Variants in CALHM2 observed in about 807,000 individuals in gnomAD.
CALHM2 encodes calcium homeostasis modulator family member 2, also known as calcium homeostasis modulator protein 2.
CALHM2 carries 18 observed loss-of-function variants against 20.4 expected under a neutral mutation model. The observed-to-expected ratio is 0.88, with a 90% CI of 0.61 to 1.31. The LOEUF is 1.31. Among genes scored for constraint, CALHM2 ranks in the 50% most tolerant of loss-of-function variants. CALHM2 has a pLI of 0.00. For synonymous variants in CALHM2, 193 were observed against 192.1 expected (o/e 1.00, Z -0.04); for missense variants, 411 against 435.7 (o/e 0.94, Z 0.50).
chr10:103,451,675 G>GAGGAGGAGGAGGAGTAGT (rs56662667), intron 1 of CALHM2: 2 of 145,500 alleles, frequency 1.4e-5, no homozygotes, highest in East Asian at 2.1e-4. Context: ...GGAGGAGGAG[G>GAGGAGGAGGAGGAGTAGT]AGTCTGATTC....
At chr10:103,447,977 T>A (rs773002144) in intron 3 of CALHM2, among the ~76,000 whole-genome samples, 12 of 152,130 alleles carry the variant, frequency 7.9e-5, no homozygotes, top group Non-Finnish European at 1.6e-4. Flanking sequence ...TCTGAAATGC[T>A]TGGAGGGCAA....
At position 103,449,503 on chromosome 10, in the gene CALHM2, G is replaced by T. The variant is rs750593362; in HGVS notation, c.439C>A (p.His147Asn). Reference protein sequence around the residue: ...DPSSLTAREEHFPSAHATEIL... With the variant: ...DPSSLTAREENFPSAHATEIL... ...TCAGTGGCGTGGGCTGATGGGAAGT[G>T]CTCTTCCCTGGCCGTGAGTGAGGAA... The change falls in exon 3 of 4, where the codon CAC becomes AAC. Residue 147 changes from histidine (H) to asparagine (N), a missense_variant. Coordinates refer to ENST00000260743, the MANE Select transcript of CALHM2 (RefSeq NM_015916.5). 7 of 1,613,530 alleles carry T rather than the reference G, an allele frequency of 4.3e-6. No homozygotes were observed. In the South Asian group the frequency reaches 7.7e-5, roughly 18 times the overall value.
chr10:103,450,490 T>A (rs758844981), intron 2 of CALHM2: 2 of 159,592 alleles, frequency 1.3e-5, no homozygotes, highest in Non-Finnish European at 2.8e-5. Flanking sequence ...GCTGACCGGC[T>A]TTCCCTCTGG....
Position 103,449,492 on chromosome 10 carries a change from TG to T in CALHM2, c.449del (p.Ser150Ter). ...TGGCCAGGATTTCAGTGGCGTGGGC[TG>T]ATGGGAAGTGCTCTTCCCTGGCCGT... ...SLTAREEHFP[S>X]AHATEILARF... On this transcript the variant is annotated frameshift_variant, in exon 3 of 4. Transcript: ENST00000260743. LOFTEE classifies it high-confidence loss of function. The T allele has an allele frequency of 6.2e-7, 1 of 1,613,450 alleles. No individual in the cohort carries two copies. The highest frequency in any genetic ancestry group is 8.5e-7 in the Non-Finnish European group (1 of 1,179,990).
intron 3 of CALHM2, 118 bp from the exon 4 acceptor site, chr10:103,447,686 G>T: frequency 1.2e-6 from 1 of 851,358 alleles, no homozygotes; most frequent in Non-Finnish European, 1.7e-6. Flanking sequence ...CCTTGTGGCT[G>T]TGATTCCATC....
chr10:103,448,200 A>G (rs911961319), intron 3 of CALHM2, among the ~76,000 whole-genome samples: 37 of 150,764 alleles, frequency 2.5e-4, no homozygotes, highest in African/African-American at 8.5e-4. Flanking sequence ...AGGCTGGAGT[A>G]CAGTGGCGTG....
rs1202115566 is a variant in CALHM2 at position 103,447,431 on chromosome 10, G to C, written c.693C>G (p.Phe231Leu). 1.7e-5 allele frequency: 27 copies of C among 1,614,196 alleles called. No homozygotes were observed. Among genetic ancestry groups the C allele is most frequent in the Non-Finnish European group, 2.3e-5 (27 of 1,180,022 alleles). The change falls in exon 4 of 4, where the codon TTC (phenylalanine) becomes TTG (leucine). Residue 231 changes from phenylalanine to leucine, a missense_variant. Transcript: ENST00000260743. ...GAGAGTGCACCTCGGCCGTGCGCTG[G>C]AACAGCTGGTCCTCATTGGCGCGGT... ...AQYRANEDQL[F>L]QRTAEVHSRV...
In CALHM2 at chr10:103,449,367, C is replaced by T. The variant is rs2032839467; in HGVS notation, c.555+20G>A. 6.2e-6 allele frequency: 10 copies of T among 1,604,658 alleles called. No homozygotes were observed. The highest frequency in any genetic ancestry group is 8.5e-6 in the Non-Finnish European group (10 of 1,174,288). Reference sequence around the variant, plus strand: ...AGCCACCACTAGGGAAGAGGAGCTTCCCTTTGCACAGCTCCTTACCTGGGA... The same window carrying T: ...AGCCACCACTAGGGAAGAGGAGCTTTCCTTTGCACAGCTCCTTACCTGGGA... On this transcript the variant is annotated intron_variant, in intron 3 of 3. Transcript: ENST00000260743.
rs771390694 is a variant in CALHM2 at position 103,447,121 on chromosome 10, G to A, written c.*31C>T. The A allele has an allele frequency of 3.9e-6, 6 of 1,555,510 alleles. No individual in the cohort carries two copies. The East Asian group carries it at 9.0e-5, about 23-fold the overall frequency. The stretch of plus-strand genomic sequence containing the variant: ...GGGGTTCAGTTTGGGACCAAGTAGT[G>A]CCATTTACAAAGAGCATGGGAAGCA... On this transcript the variant is annotated 3_prime_UTR_variant, in exon 4 of 4. Transcript: ENST00000260743.
chr10:103,448,470 T>C (rs927844615), intron 3 of CALHM2, among the ~76,000 whole-genome samples: 3 of 151,842 alleles, frequency 2.0e-5, no homozygotes, highest in East Asian at 2.0e-4. Flanking sequence ...TATTTACCTA[T>C]TGAAGAAACC....
chr10:103,451,021 G>A (rs2032951773), intron 2 of CALHM2, 62 bp downstream of exon 2: 1 of 152,152 alleles, frequency 6.6e-6, no homozygotes, highest in South Asian at 2.1e-4. Flanking sequence ...AAGGAGACTT[G>A]GGAAGTGGAT....
In CALHM2 at chr10:103,447,098, G is replaced by A; in HGVS notation, c.*54C>T. On this transcript the variant is annotated 3_prime_UTR_variant, in exon 4 of 4. Transcript: ENST00000260743. ...TGATATGGATGTGAGCAAGCAGTGG[G>A]GTTCAGTTTGGGACCAAGTAGTGCC... The A allele has an allele frequency of 1.4e-6, 2 of 1,480,442 alleles. No homozygotes were observed. Among genetic ancestry groups the A allele is most frequent in the Non-Finnish European group, 1.8e-6 (2 of 1,094,176 alleles). 91.7% of individuals were successfully genotyped at this position (1,480,442 alleles called of 1,614,324 possible).
chr10:103,447,148 C>T lies in CALHM2; in HGVS notation c.*4G>A. 2 of 1,590,474 alleles carry T rather than the reference C, an allele frequency of 1.3e-6. No homozygotes were observed. The highest frequency in any genetic ancestry group is 1.7e-6 in the Non-Finnish European group (2 of 1,165,722). ...CATTTACAAAGAGCATGGGAAGCAC[C>T]TCCTTAGGAGGGGAGCAGGGCCATC... is the stretch of plus-strand genomic sequence containing the variant. On this transcript the variant is annotated 3_prime_UTR_variant, in exon 4 of 4. Coordinates refer to ENST00000260743, the MANE Select transcript of CALHM2 (RefSeq NM_015916.5).
rs767060810 is a variant in CALHM2, at chr10:103,447,587, C to T, written c.556-19G>A. ...CAAAGAGCTGGCCAGAGAATGGGCACAGTTCAGGAGGGGCGAGGAACTGCC... is the reference window on the plus strand; with the variant it reads ...CAAAGAGCTGGCCAGAGAATGGGCATAGTTCAGGAGGGGCGAGGAACTGCC... On this transcript the variant is annotated intron_variant, in intron 3 of 3. Coordinates refer to ENST00000260743, the MANE Select transcript of CALHM2 (RefSeq NM_015916.5). The T allele has an allele frequency of 1.3e-6, 2 of 1,571,190 alleles. No individual in the cohort carries two copies. The highest frequency in any genetic ancestry group is 1.3e-5 in the African/African-American group (1 of 74,312).
At chr10:103,451,625 A>G in intron 1 of CALHM2, 1 of 153,700 alleles carries the variant, frequency 6.5e-6, no homozygotes. Flanking sequence ...CTGGAGGAGG[A>G]GGACCAGGAG....
At chr10:103,448,481 T>A (rs959196795) in intron 3 of CALHM2, among the ~76,000 whole-genome samples, 43 of 151,936 alleles carry the variant, frequency 2.8e-4, no homozygotes, top group African/African-American at 1.0e-3. Context: ...TGAAGAAACC[T>A]TTTAGAAAAT....
Position 103,447,184 on chromosome 10 carries a change from CAG to C in CALHM2, c.938_939del (p.Pro313ArgfsTer20), listed in dbSNP as rs746707028. 17 of 1,612,376 alleles carry C rather than the reference CAG, an allele frequency of 1.1e-5. No homozygotes were observed. The Admixed American group carries it at 1.7e-4, about 16-fold the overall frequency. On this transcript the variant is annotated frameshift_variant, in exon 4 of 4. Coordinates refer to ENST00000260743, the MANE Select transcript of CALHM2 (RefSeq NM_015916.5). LOFTEE classifies it high-confidence loss of function. ...GGGAGCAGGGCCATCTCCACGTTGT[CAG>C]GGGCCGCGCCGTTGCCTGCCAGACC... ...AQGLAGNGAA[P>X]DNVEMALLPS
At chr10:103,448,544 A>AC (rs2032786057) in intron 3 of CALHM2, among the ~76,000 whole-genome samples, 1 of 149,142 alleles carries the variant, frequency 6.7e-6, no homozygotes, top group African/African-American at 2.5e-5. Context: ...ACATGGCGAA[A>AC]CCCCATCTCT....
intron 3 of CALHM2, among the ~76,000 whole-genome samples, chr10:103,448,677 T>A (rs1250312883): frequency 1.3e-5 from 2 of 150,300 alleles, no homozygotes; most frequent in Non-Finnish European, 3.0e-5. Flanking sequence ...GCCAAGATCG[T>A]GCCACTGCAC....
Sources: allele counts gnomAD v4.1 joint callset (sites outside exome capture counted in the v4.1 genomes callset), GRCh38; gene constraint gnomAD v4.1.1; transcripts MANE v1.5; gene names NCBI Gene and HGNC (gene_info 2026-07-23, HGNC 2026-07-21).